Variants in HSPA12A observed in about 807,000 individuals in gnomAD.
HSPA12A encodes the protein heat shock 70 kDa protein 12A.
In HSPA12A, 28 loss-of-function variants were observed where a neutral mutation model predicts 69.2. That is an observed-to-expected ratio of 0.40 (90% CI 0.30 to 0.55). The LOEUF (loss-of-function observed/expected upper bound fraction) is 0.55. HSPA12A is among the 20% of genes least tolerant of loss of function. HSPA12A has a pLI of 0.38. For synonymous variants in HSPA12A, 345 were observed against 370.5 expected (o/e 0.93, Z 0.79); for missense variants, 686 against 900.7 (o/e 0.76, Z 3.05).
At chr10:116,770,653 T>C (rs1554890341) in intron 2 of HSPA12A, among the ~76,000 whole-genome samples, 1 of 151,706 alleles carries the variant, frequency 6.6e-6, no homozygotes, top group African/African-American at 2.4e-5. Context: ...AGTGCTAGAG[T>C]CTGCTCTTCA....
rs782139672 is a variant in HSPA12A, at chr10:116,671,489, T to C, written c.*3292A>G. ...AATGTGAAATTCGATCTTTGACTAA[T>C]AATGCATTCTGACTCCTGTTTACAT... On this transcript the variant is annotated 3_prime_UTR_variant, in exon 12 of 12. Transcript: ENST00000369209. The C allele has an allele frequency of 8.5e-5, 13 of 152,512 alleles. No homozygotes were observed. The highest frequency in any genetic ancestry group is 3.9e-4 in the Admixed American group (6 of 15,294). The allele number at this position is 152,512 out of a possible 1,614,324, so 9.4% of individuals were successfully genotyped here. A position where few individuals can be genotyped will look rare whatever the true frequency, so the allele number is the denominator to read the frequency against.
chr10:116,701,124 C>G lies in HSPA12A; in HGVS notation c.260G>C (p.Trp87Ser). 6.2e-7 allele frequency: 1 copy of G among 1,613,186 alleles called. No homozygotes were observed. The highest frequency in any genetic ancestry group is 8.5e-7 in the Non-Finnish European group (1 of 1,179,668). Residue 87 changes from tryptophan to serine, a missense_variant, in exon 4 of 12, where the codon TGG becomes TCG. Physicochemically the swap from Trp to Ser is radical, Grantham distance 177. Coordinates refer to ENST00000369209, the MANE Select transcript of HSPA12A (RefSeq NM_025015.3). ...EPECIHVMRRWEGGDPGVSNQ... is the reference protein window; with the variant it reads ...EPECIHVMRRSEGGDPGVSNQ... Reference sequence around the variant, plus strand: ...GGACACACCAGGGTCACCTCCCTCCCATCGCCTGCCACCAAGGGAAGCAGA... The same window carrying G: ...GGACACACCAGGGTCACCTCCCTCCGATCGCCTGCCACCAAGGGAAGCAGA...
At chr10:116,688,601 G>A (rs1554879760) in intron 6 of HSPA12A, among the ~76,000 whole-genome samples, 2 of 152,216 alleles carry the variant, frequency 1.3e-5, no homozygotes, top group East Asian at 3.9e-4. Flanking sequence ...AGTTAAGAGC[G>A]CTGCTGGTCT....
intron 1 of HSPA12A, among the ~76,000 whole-genome samples, chr10:116,726,051 A>G (rs1368853926): frequency 6.6e-6 from 1 of 150,604 alleles, no homozygotes; most frequent in Non-Finnish European, 1.5e-5. Context: ...ACACACACAC[A>G]CACAACAGGC....
chr10:116,797,811 G>C (rs372114080), intron 2 of HSPA12A, among the ~76,000 whole-genome samples: 3 of 152,046 alleles, frequency 2.0e-5, no homozygotes, highest in African/African-American at 7.2e-5. Context: ...AGTGCAACAG[G>C]AACACACAGG....
At chr10:116,751,028 GAAGA>G (rs1851766135) in intron 2 of HSPA12A, 1 of 154,930 alleles carries the variant, frequency 6.5e-6, no homozygotes, top group African/African-American at 2.4e-5. Flanking sequence ...AGAAGAAGAA[GAAGA>G]AGGAGGAGAA....
At chr10:116,788,149 C>G (rs988261649) in intron 2 of HSPA12A, among the ~76,000 whole-genome samples, 2 of 152,218 alleles carry the variant, frequency 1.3e-5, no homozygotes, top group African/African-American at 2.4e-5. Flanking sequence ...TGTCTCTACT[C>G]TGGCCGAGCC....
At chr10:116,769,248 A>G (rs1844145425) in intron 2 of HSPA12A, among the ~76,000 whole-genome samples, 2 of 152,282 alleles carry the variant, frequency 1.3e-5, no homozygotes, top group South Asian at 4.1e-4. Context: ...CCTCTTAGCA[A>G]TCAGACAAGA....
intron 1 of HSPA12A, among the ~76,000 whole-genome samples, chr10:116,734,027 C>G (rs946358097): frequency 6.6e-6 from 1 of 152,150 alleles, no homozygotes; most frequent in African/African-American, 2.4e-5. Flanking sequence ...CGGTGTACAT[C>G]ACTCCACACC....
chr10:116,803,403 A>G (rs1845000595), intron 2 of HSPA12A, among the ~76,000 whole-genome samples: 1 of 152,216 alleles, frequency 6.6e-6, no homozygotes, highest in Non-Finnish European at 1.5e-5. Flanking sequence ...GGAAGATCCC[A>G]TGGGCAAGGA....
At chr10:116,705,063 A>G in intron 3 of HSPA12A, 88 bp downstream of exon 3, 4 of 1,523,572 alleles carry the variant, frequency 2.6e-6, no homozygotes, top group Non-Finnish European at 3.6e-6. Flanking sequence ...CCGTCTTCGT[A>G]AGTGCCAATC....
chr10:116,715,466 C>G (rs1402765822), intron 1 of HSPA12A, among the ~76,000 whole-genome samples: 1 of 152,122 alleles, frequency 6.6e-6, no homozygotes, highest in Non-Finnish European at 1.5e-5. Flanking sequence ...TTAAAAGAGC[C>G]CTTGTCCTCT....
intron 10 of HSPA12A, among the ~76,000 whole-genome samples, chr10:116,676,897 T>G (rs907138109): frequency 6.6e-6 from 1 of 152,200 alleles, no homozygotes; most frequent in African/African-American, 2.4e-5. Flanking sequence ...CGGCTACACA[T>G]GTGTGCGCTC....
upstream of HSPA12A, among the ~76,000 whole-genome samples, chr10:116,744,729 G>A (rs1415026939): frequency 6.6e-6 from 1 of 152,250 alleles, no homozygotes; most frequent in African/African-American, 2.4e-5. Flanking sequence ...GGCTGTTGTG[G>A]TCTCACCTAG....
intron 1 of HSPA12A, among the ~76,000 whole-genome samples, chr10:116,736,313 C>T (rs549198260): frequency 8.7e-4 from 132 of 152,226 alleles, no homozygotes; most frequent in African/African-American, 3.2e-3. Context: ...GCACGAGGAA[C>T]CTGACCTAAT....
At chr10:116,721,188 G>A (rs1397995904) in intron 1 of HSPA12A, among the ~76,000 whole-genome samples, 1 of 152,160 alleles carries the variant, frequency 6.6e-6, no homozygotes, top group Non-Finnish European at 1.5e-5. Flanking sequence ...AAGTATGCAT[G>A]GCAAAATTTC....
At chr10:116,817,544 C>T (rs1182885353) in intron 2 of HSPA12A, among the ~76,000 whole-genome samples, 1 of 151,808 alleles carries the variant, frequency 6.6e-6, no homozygotes, top group Non-Finnish European at 1.5e-5. Flanking sequence ...GGGGGGATGG[C>T]ATATTCATAC....
intron 6 of HSPA12A, among the ~76,000 whole-genome samples, chr10:116,684,828 C>T (rs12771818): frequency 0.21 from 32,337 of 152,182 alleles, 3,759 homozygotes; most frequent in Middle Eastern, 0.34. Flanking sequence ...TGCTTCTGCT[C>T]TGTGACATCT....
chr10:116,811,202 C>T (rs1445712980), intron 2 of HSPA12A, among the ~76,000 whole-genome samples: 5 of 152,154 alleles, frequency 3.3e-5, no homozygotes, highest in Non-Finnish European at 7.3e-5. Context: ...AAACACATGG[C>T]CTCTTCCAGA....
Sources: gnomAD v4.1 joint callset for allele counts (sites outside exome capture counted in the v4.1 genomes callset) on GRCh38, gnomAD v4.1.1 for gene constraint, MANE v1.5 for transcripts, NCBI Gene and HGNC (gene_info 2026-07-23, HGNC 2026-07-21) for gene names.